Variants in ASB1 observed in about 807,000 individuals in gnomAD.
The protein encoded by ASB1 is ankyrin repeat and SOCS box containing 1.
A neutral mutation model predicts 27.7 loss-of-function variants in ASB1; 18 were observed. The ratio of observed to expected loss-of-function variants is 0.65; its 90% CI spans 0.45 to 0.96. The LOEUF (loss-of-function observed/expected upper bound fraction) is 0.96, where lower values mean the gene tolerates loss of function less well. Among genes scored for constraint, ASB1 ranks in the 50% least tolerant of loss-of-function variants. The probability of loss-of-function intolerance (pLI) is 0.00; values close to 1 mark genes in which losing one functional copy is unlikely to be tolerated. For missense variants in ASB1, 397 were observed against 451.7 expected (o/e 0.88, Z 1.10); for synonymous variants, 189 against 187.6 (o/e 1.01, Z -0.06).
At position 238,448,476 on chromosome 2, in the gene ASB1, T is replaced by G. The variant is rs1702220754; in HGVS notation, c.*1965T>G. 6.6e-6 allele frequency: 1 copy of G among 152,254 alleles called. No individual in the cohort carries two copies. Among genetic ancestry groups the G allele is most frequent in the South Asian group, 2.1e-4 (1 of 4,830 alleles). 9.4% of individuals were successfully genotyped at this position (152,254 alleles called of 1,614,324 possible). ...CTCTGGCTCTTTACTGGCTTACTGT[T>G]TAGCTCCTCCCACCTCGAGGCTCTT... On this transcript the variant is annotated 3_prime_UTR_variant, in exon 5 of 5. Coordinates refer to ENST00000264607, the MANE Select transcript of ASB1 (RefSeq NM_001040445.3).
rs187115800 is a variant in ASB1, at chr2:238,431,771, G to T, written c.50-1783G>T. On this transcript the variant is annotated intron_variant, in intron 1 of 4. Transcript: ENST00000264607. ...GAGAGAGTGGGAGCAGCTGGTTGGT[G>T]GAGCAGTCAGAACACAGACCACGTT... Among the ~76,000 whole-genome samples the T allele has an allele frequency of 3.7e-4, 57 of 152,286 alleles. No individual in the cohort carries two copies. The East Asian group carries it at 8.3e-3, about 22-fold the overall frequency.
At position 238,449,630 on chromosome 2, in the gene ASB1, T is replaced by G. The variant is rs1458759517; in HGVS notation, c.*3119T>G. 2.0e-5 allele frequency: 3 copies of G among 152,290 alleles called. No homozygotes were observed. The highest frequency in any genetic ancestry group is 1.3e-4 in the Admixed American group (2 of 15,290). 9.4% of individuals were successfully genotyped at this position (152,290 alleles called of 1,614,324 possible). ...ATATCACCCACATTCTGTGACTCTT[T>G]GCATCACTCGTGTTATTTATTTATT... is the stretch of plus-strand genomic sequence containing the variant. On this transcript the variant is annotated 3_prime_UTR_variant, in exon 5 of 5. Transcript: ENST00000264607.
intron 4 of ASB1, 23 bp from the exon 5 acceptor site, chr2:238,446,361 C>T: frequency 1.9e-6 from 3 of 1,569,698 alleles, no homozygotes; most frequent in African/African-American, 1.4e-5. Context: ...CTCTATCCCT[C>T]TCTTTCTTCC....
At chr2:238,435,592 G>A in intron 2 of ASB1, 119 bp from the exon 3 acceptor site, 1 of 1,046,754 alleles carries the variant, frequency 9.6e-7, no homozygotes, top group Non-Finnish European at 1.4e-6. Context: ...GCAGAGCCCA[G>A]GTGGAGGCGT....
chr2:238,444,285 A>ATCTGTGGGC, intron 3 of ASB1, 57 bp from the exon 4 acceptor site: 1 of 1,539,240 alleles, frequency 6.5e-7, no homozygotes, highest in South Asian at 1.3e-5. Context: ...GATCTGTGGG[A>ATCTGTGGGC]TCTGTGGGCT....
intron 3 of ASB1, among the ~76,000 whole-genome samples, chr2:238,436,891 C>T (rs72987304): frequency 0.08 from 12,173 of 151,558 alleles, 675 homozygotes; most frequent in Non-Finnish European, 0.12. Flanking sequence ...ATAGGTTTTG[C>T]TTTGAAAATT....
In ASB1 at chr2:238,451,133, A is replaced by G. The variant is rs1702276939; in HGVS notation, c.*4622A>G. 6.6e-6 allele frequency: 1 copy of G among 151,392 alleles called. No homozygotes were observed. The highest frequency in any genetic ancestry group is 1.5e-5 in the Non-Finnish European group (1 of 67,698). The allele number at this position is 151,392 out of a possible 1,614,324, so 9.4% of individuals were successfully genotyped here. On this transcript the variant is annotated 3_prime_UTR_variant, in exon 5 of 5. Transcript: ENST00000264607. ...TGTGTACATGATGCACGTGGGTGGG[A>G]TTCACATCCCAGGAGAATTCCACGG... is the stretch of plus-strand genomic sequence containing the variant.
chr2:238,437,917 A>G (rs1702003066), intron 3 of ASB1, among the ~76,000 whole-genome samples: 1 of 152,178 alleles, frequency 6.6e-6, no homozygotes, highest in African/African-American at 2.4e-5. Flanking sequence ...AGGCTAAAGA[A>G]ATGAGAGTGG....
chr2:238,435,419 G>A (rs1701948591), intron 2 of ASB1, among the ~76,000 whole-genome samples: 1 of 152,218 alleles, frequency 6.6e-6, no homozygotes, highest in Non-Finnish European at 1.5e-5. Flanking sequence ...GTAGAGGAAG[G>A]CACTTCAGAT....
In ASB1 at chr2:238,444,669, G is replaced by A; in HGVS notation, c.822G>A (p.Glu274=). Reference sequence around the variant, plus strand: ...TGAAGTGGGAATCGCTGGGCCCAGAGTCGAGAGGAAGAAGAAAAGTGGACC... The same window carrying A: ...TGAAGTGGGAATCGCTGGGCCCAGAATCGAGAGGAAGAAGAAAAGTGGACC... ...NLVKWESLGP[E]SRGRRKVDPE... is the part of the protein sequence containing the mutation. Residue 274 remains glutamate (E), a synonymous_variant, in exon 4 of 5, where the codon GAG becomes GAA. Transcript: ENST00000264607. The A allele has an allele frequency of 3.7e-6, 6 of 1,614,156 alleles. No individual in the cohort carries two copies. The highest frequency in any genetic ancestry group is 4.2e-6 in the Non-Finnish European group (5 of 1,180,026).
rs369809782 is a variant in ASB1, at chr2:238,444,851, G to A, written c.880+124G>A. The A allele has an allele frequency of 7.2e-5, 77 of 1,068,308 alleles. No individual in the cohort carries two copies. In the African/African-American group the frequency reaches 7.5e-4, roughly 10 times the overall value. 66.2% of individuals were successfully genotyped at this position (1,068,308 alleles called of 1,614,324 possible). ...TGGCCAAAATCTTCAGTTAGAACTCGCAGTTTTCCAGATGGTTGTTCAGAT... is the reference window on the plus strand; with the variant it reads ...TGGCCAAAATCTTCAGTTAGAACTCACAGTTTTCCAGATGGTTGTTCAGAT... On this transcript the variant is annotated intron_variant, in intron 4 of 4. Coordinates refer to ENST00000264607, the MANE Select transcript of ASB1 (RefSeq NM_001040445.3).
intron 3 of ASB1, among the ~76,000 whole-genome samples, chr2:238,441,033 G>A (rs147169052): frequency 6.9e-4 from 105 of 152,364 alleles, no homozygotes; most frequent in African/African-American, 2.4e-3. Context: ...AATCATGGGA[G>A]TCTGGATGTT....
Position 238,431,647 on chromosome 2 carries a change from A to T in ASB1, c.50-1907A>T, listed in dbSNP as rs118071475. ...TCCAGCTTTTAATTTAAAGTGAGAG[A>T]TGTGTGACTGTTTCTTTAACTTGAA... On this transcript the variant is annotated intron_variant, in intron 1 of 4. Transcript: ENST00000264607. Among the ~76,000 whole-genome samples the T allele has an allele frequency of 3.3e-4, 51 of 152,316 alleles. No homozygotes were observed. The East Asian group carries it at 6.0e-3, about 18-fold the overall frequency.
chr2:238,433,582 G>T lies in ASB1; in HGVS notation c.78G>T (p.Glu26Asp). 2 of 1,614,152 alleles carry T rather than the reference G, an allele frequency of 1.2e-6. No homozygotes were observed. Among genetic ancestry groups the T allele is most frequent in the Non-Finnish European group, 1.7e-6 (2 of 1,180,018 alleles). The change falls in exon 2 of 5, where the codon GAG becomes GAT. Residue 26 changes from glutamate (E) to aspartate (D), a missense_variant. Transcript: ENST00000264607. ...GTAATCTGAAGGAGTGGCTGAGGGA[G>T]CAATTTTGTGATCATCCGCTGGAGC... is the stretch of plus-strand genomic sequence containing the variant. The part of the protein sequence containing the change: ...AGRNLKEWLR[E>D]QFCDHPLEHC...
In ASB1 at chr2:238,427,122, A is replaced by G. The variant is rs988946809; in HGVS notation, c.49+3A>G. On this transcript the variant is annotated splice_donor_region_variant and intron_variant, in intron 1 of 4. Transcript: ENST00000264607. ...GCGGGCAGGGCCGGGCTCCGCAGGT[A>G]ACGTGCGCGCGGCCACTGGGCCGCG... is the stretch of plus-strand genomic sequence containing the variant. The G allele has an allele frequency of 1.6e-6, 2 of 1,249,156 alleles. No individual in the cohort carries two copies. Among genetic ancestry groups the G allele is most frequent in the Admixed American group, 8.5e-5 (2 of 23,600 alleles). The allele number at this position is 1,249,156 out of a possible 1,614,324, so 77.4% of individuals were successfully genotyped here. A position where few individuals can be genotyped will look rare whatever the true frequency, so the allele number is the denominator to read the frequency against.
chr2:238,435,702 C>A lies in ASB1; in HGVS notation c.192-9C>A, dbSNP rs1701954165. 1 of 1,606,740 alleles carries A rather than the reference C, an allele frequency of 6.2e-7. No individual in the cohort carries two copies. The highest frequency in any genetic ancestry group is 1.3e-5 in the African/African-American group (1 of 74,882). Reference sequence around the variant, plus strand: ...GCCTCTCATGAGCCCCCTTGTGTTCCTCCTGCAGCCGCATCAACGAGAAGT... The same window carrying A: ...GCCTCTCATGAGCCCCCTTGTGTTCATCCTGCAGCCGCATCAACGAGAAGT... On this transcript the variant is annotated splice_polypyrimidine_tract_variant and intron_variant, in intron 2 of 4. Coordinates refer to ENST00000264607, the MANE Select transcript of ASB1 (RefSeq NM_001040445.3).
intron 3 of ASB1, among the ~76,000 whole-genome samples, chr2:238,437,531 A>C (rs1701996499): frequency 6.6e-6 from 1 of 150,794 alleles, no homozygotes; most frequent in South Asian, 2.1e-4. Context: ...TGCCTGGCCT[A>C]CAGTCTTATT....
chr2:238,441,996 T>G (rs1702086899), intron 3 of ASB1, among the ~76,000 whole-genome samples: 2 of 152,194 alleles, frequency 1.3e-5, no homozygotes, highest in African/African-American at 4.8e-5. Flanking sequence ...AATTTTTGGA[T>G]TTTTCCCAAT....
rs1053602561 is a variant in ASB1, at chr2:238,447,264, A to G, written c.*753A>G. The G allele has an allele frequency of 6.5e-6, 1 of 152,700 alleles. No homozygotes were observed. Among genetic ancestry groups the G allele is most frequent in the African/African-American group, 2.4e-5 (1 of 41,446 alleles). The allele number at this position is 152,700 out of a possible 1,614,324, so 9.5% of individuals were successfully genotyped here. ...TTCCTTGGGACCAAGGACCGTTCCA[A>G]CAGCATTCACTGCCAGTTCTAATAG... On this transcript the variant is annotated 3_prime_UTR_variant, in exon 5 of 5. Coordinates refer to ENST00000264607, the MANE Select transcript of ASB1 (RefSeq NM_001040445.3).
Sources: allele counts gnomAD v4.1 joint callset (sites outside exome capture counted in the v4.1 genomes callset), GRCh38; gene constraint gnomAD v4.1.1; transcripts MANE v1.5; gene names NCBI Gene and HGNC (gene_info 2026-07-23, HGNC 2026-07-21).